The following HPSE2 variants were observed in gnomAD, a reference collection of about 807,000 sequenced individuals.
HPSE2 encodes inactive heparanase-2.
A neutral mutation model predicts 60.5 loss-of-function variants in HPSE2; 38 were observed. The observed-to-expected ratio is 0.63, with a 90% confidence interval of 0.48 to 0.82. HPSE2 has a LOEUF of 0.82. HPSE2 is among the 40% of genes least tolerant of loss of function. HPSE2 has a pLI of 0.00. For missense variants in HPSE2, 713 were observed against 740.4 expected (o/e 0.96, Z 0.43); for synonymous variants, 295 against 293.2 (o/e 1.01, Z -0.06).
At chr10:99,132,226 AGAGAGAG>A (rs1845459690) in intron 3 of HPSE2, among the ~76,000 whole-genome samples, 3 of 45,722 alleles carry the variant, frequency 6.6e-5, no homozygotes, top group South Asian at 1.2e-3. Flanking sequence ...AGAGAGAGAG[AGAGAGAG>A]AGAGAGAGAG....
At chr10:98,840,325 AT>A (rs547332143) in intron 3 of HPSE2, among the ~76,000 whole-genome samples, 97 of 152,316 alleles carry the variant, frequency 6.4e-4, no homozygotes, top group African/African-American at 2.3e-3. Context: ...AACCTATTAA[AT>A]TTGGACTCCA....
At chr10:98,615,161 A>G (rs1945872446) in intron 8 of HPSE2, 143 bp from the exon 9 acceptor site, 1 of 664,082 alleles carries the variant, frequency 1.5e-6, no homozygotes, top group African/African-American at 1.8e-5. Flanking sequence ...GGTTATTTTA[A>G]GCATTAAGTT....
At chr10:99,132,143 AAG>A in intron 3 of HPSE2, among the ~76,000 whole-genome samples, 2 of 24,264 alleles carry the variant, frequency 8.2e-5, no homozygotes, top group Non-Finnish European at 3.3e-4. Flanking sequence ...GAAAGAAAGA[AAG>A]GAAGAAAGAA....
chr10:99,298,806 C>G, the HPSE2 span, among the ~76,000 whole-genome samples: 1 of 152,048 alleles, frequency 6.6e-6, no homozygotes, highest in African/African-American at 2.4e-5. Flanking sequence ...TCCTGAGTAG[C>G]TGGGACTACA....
chr10:98,499,770 C>T (rs945856706), intron 9 of HPSE2, among the ~76,000 whole-genome samples: 9 of 152,084 alleles, frequency 5.9e-5, no homozygotes, highest in Non-Finnish European at 1.0e-4. Context: ...CTATCTGCTG[C>T]CTTCAAGAGA....
At chr10:98,523,179 G>C (rs918352692) in intron 9 of HPSE2, among the ~76,000 whole-genome samples, 5 of 152,162 alleles carry the variant, frequency 3.3e-5, no homozygotes, top group African/African-American at 1.2e-4. Flanking sequence ...TTGTGGGTGA[G>C]TGACAGGAAC....
chr10:98,577,044 T>C (rs1330541706), intron 9 of HPSE2, among the ~76,000 whole-genome samples: 2 of 151,882 alleles, frequency 1.3e-5, no homozygotes, highest in Admixed American at 1.3e-4. Flanking sequence ...CCTGATGAAG[T>C]TATATTCTCA....
intron 6 of HPSE2, among the ~76,000 whole-genome samples, chr10:98,647,518 G>C (rs545005190): frequency 6.6e-6 from 1 of 152,194 alleles, no homozygotes; most frequent in Admixed American, 6.5e-5. Flanking sequence ...CCAGCCTGCT[G>C]ACTGGGCAGG....
At chr10:98,925,150 C>G (rs984221449) in intron 3 of HPSE2, among the ~76,000 whole-genome samples, 21 of 152,138 alleles carry the variant, frequency 1.4e-4, no homozygotes, top group African/African-American at 4.8e-4. Context: ...CTCCTCAATG[C>G]CTCTGTCGTT....
chr10:99,173,305 A>C (rs565119450), intron 2 of HPSE2, among the ~76,000 whole-genome samples: 1 of 152,310 alleles, frequency 6.6e-6, no homozygotes, highest in African/African-American at 2.4e-5. Flanking sequence ...GAGGTCCATT[A>C]ATCTGCCACA....
rs66562418 is a variant in HPSE2 at position 99,086,346 on chromosome 10, C to CTTT, written c.610+57889_610+57891dup. On this transcript the variant is annotated intron_variant, in intron 3 of 11. Transcript: ENST00000370552. ...AGGTGGTAATACGGAAAAGTACTTT[C>CTTT]TTTTTTTTTTTTTTTTTTTTTTTTG... 5.9e-3 allele frequency among the ~76,000 whole-genome samples: 492 copies of CTTT among 82,974 alleles called. 8 individuals carry two copies. The highest frequency in any genetic ancestry group is 9.4e-3 in the Middle Eastern group (1 of 106). The allele number at this position is 82,974 out of a possible 152,430, so 54.4% of individuals were successfully genotyped here. A position where few individuals can be genotyped will look rare whatever the true frequency, so the allele number is the denominator to read the frequency against.
chr10:98,487,720 A>C (rs1249877922), intron 10 of HPSE2, among the ~76,000 whole-genome samples: 1 of 152,246 alleles, frequency 6.6e-6, no homozygotes, highest in Admixed American at 6.5e-5. Context: ...ATATTTTCAG[A>C]GTATTCGTCA....
At chr10:99,041,409 C>T (rs993103061) in intron 3 of HPSE2, among the ~76,000 whole-genome samples, 1 of 152,122 alleles carries the variant, frequency 6.6e-6, no homozygotes, top group African/African-American at 2.4e-5. Flanking sequence ...TGAGTGAGAG[C>T]CCCTGGGGAC....
chr10:99,200,504 CTTCAACAAGTTATTTAACATTTTCAGCTT>C (rs1848540368), intron 2 of HPSE2, among the ~76,000 whole-genome samples: 1 of 152,066 alleles, frequency 6.6e-6, no homozygotes. Context: ...GCAGTACAAC[CTTCAACAAGTTATTTAACATTTTCAGCTT>C]AAACTTCCTC....
chr10:99,011,669 T>G (rs1049052609), intron 3 of HPSE2, among the ~76,000 whole-genome samples: 16 of 149,140 alleles, frequency 1.1e-4, no homozygotes, highest in African/African-American at 3.5e-4. Flanking sequence ...GGCAGGAGAA[T>G]TGCTTGAACC....
chr10:98,911,147 C>A (rs920449118), intron 3 of HPSE2, among the ~76,000 whole-genome samples: 2 of 152,162 alleles, frequency 1.3e-5, no homozygotes, highest in African/African-American at 4.8e-5. Flanking sequence ...AAGACCTCAA[C>A]AAATGTGGCT....
At chr10:98,997,924 C>T (rs1487914691) in intron 3 of HPSE2, among the ~76,000 whole-genome samples, 3 of 152,106 alleles carry the variant, frequency 2.0e-5, no homozygotes, top group African/African-American at 4.8e-5. Context: ...ACACATCTGT[C>T]GTAATGAAAA....
chr10:98,758,407 G>A (rs185473037), intron 3 of HPSE2, among the ~76,000 whole-genome samples: 1 of 151,640 alleles, frequency 6.6e-6, no homozygotes, highest in African/African-American at 2.4e-5. Context: ...CCTACAGAAT[G>A]GGAGAGAATA....
chr10:98,621,853 A>T (rs1475842554), intron 7 of HPSE2, among the ~76,000 whole-genome samples: 1 of 152,256 alleles, frequency 6.6e-6, no homozygotes, highest in Non-Finnish European at 1.5e-5. Context: ...ACTGACACCT[A>T]GCTGGCTGCA....
Sources: gnomAD v4.1 joint callset for allele counts (sites outside exome capture counted in the v4.1 genomes callset) on GRCh38, gnomAD v4.1.1 for gene constraint, MANE v1.5 for transcripts, NCBI Gene and HGNC (gene_info 2026-07-23, HGNC 2026-07-21) for gene names.